SFTPB: variants seen among roughly 807,000 people sequenced by gnomAD.
SFTPB encodes the protein pulmonary surfactant-associated protein B.
SFTPB carries 32 observed loss-of-function variants against 51.0 expected under a neutral mutation model. That is an observed-to-expected ratio of 0.63 (90% CI 0.47 to 0.84). SFTPB has a LOEUF of 0.84. SFTPB is among the 40% of genes least tolerant of loss of function. The pLI is 0.00. For missense variants in SFTPB, 431 were observed against 491.2 expected, an observed-to-expected ratio of 0.88 and a Z score of 1.16; for synonymous variants, 211 against 208.5, an observed-to-expected ratio of 1.01 and a Z score of -0.10.
intron 6 of SFTPB, among the ~76,000 whole-genome samples, chr2:85,664,262 C>T (rs917821705): frequency 6.6e-6 from 1 of 152,146 alleles, no homozygotes; most frequent in African/African-American, 2.4e-5. Context: ...TCTTTAGTCT[C>T]CCCATCTCAG....
At position 85,657,940 on chromosome 2, in the gene SFTPB, A is replaced by G. The variant is rs1358912877; in HGVS notation, c.*1762T>C. ...GGAGAATATTACAAAGCACCTTCTCAAGGGTGGGGAAGGTGTATTGTCACA... is the reference window on the plus strand; with the variant it reads ...GGAGAATATTACAAAGCACCTTCTCGAGGGTGGGGAAGGTGTATTGTCACA... On this transcript the variant is annotated 3_prime_UTR_variant, in exon 11 of 11. Transcript: ENST00000519937. The G allele has an allele frequency of 6.6e-6, 1 of 152,148 alleles. No individual in the cohort carries two copies. The highest frequency in any genetic ancestry group is 2.4e-5 in the African/African-American group (1 of 41,428). The allele number at this position is 152,148 out of a possible 1,614,324, so 9.4% of individuals were successfully genotyped here.
chr2:85,667,874 C>T (rs1677737133), intron 1 of SFTPB, 68 bp from the exon 2 acceptor site: 10 of 1,608,714 alleles, frequency 6.2e-6, no homozygotes, highest in South Asian at 1.1e-5. Context: ...TGATTTCACC[C>T]ACCCTCTAGA....
intron 10 of SFTPB, 170 bp downstream of exon 10, chr2:85,661,284 T>C: frequency 1.8e-6 from 1 of 548,582 alleles, no homozygotes; most frequent in Non-Finnish European, 3.3e-6. Flanking sequence ...GGTGTTTTCC[T>C]GATGGCCAGC....
chr2:85,666,964 C>T (rs907880786), intron 3 of SFTPB, 142 bp downstream of exon 3: 1 of 954,080 alleles, frequency 1.0e-6, no homozygotes, highest in Non-Finnish European at 1.7e-6. Flanking sequence ...GACCTGCTCC[C>T]AGCCAGGAGG....
chr2:85,665,341 T>C lies in SFTPB; in HGVS notation c.620A>G (p.Tyr207Cys), dbSNP rs757742686. The change falls in exon 6 of 11, where the codon TAT (tyrosine) becomes TGT (cysteine). Residue 207 changes from tyrosine (Y) to cysteine (C), a missense_variant. Tyr to Cys is a radical substitution (Grantham distance 194). Coordinates refer to ENST00000519937, the MANE Select transcript of SFTPB (RefSeq NM_000542.5). ...SEQQFPIPLPYCWLCRALIKR... is the reference protein window; with the variant it reads ...SEQQFPIPLPCCWLCRALIKR... ...GATCAGAGCCCTGCAGAGCCAGCAATAGGGGAGAGGAATGGGGAATTGCTG... is the reference window on the plus strand; with the variant it reads ...GATCAGAGCCCTGCAGAGCCAGCAACAGGGGAGAGGAATGGGGAATTGCTG... 2.5e-6 allele frequency: 4 copies of C among 1,613,990 alleles called. No individual in the cohort carries two copies. The highest frequency in any genetic ancestry group is 2.2e-5 in the South Asian group (2 of 91,082).
intron 4 of SFTPB, 36 bp downstream of exon 4, chr2:85,666,581 G>C (rs758486451): frequency 1.2e-6 from 2 of 1,610,098 alleles, no homozygotes; most frequent in East Asian, 2.2e-5. Flanking sequence ...GGGCCTGCGT[G>C]GGGAGGCAGG....
intron 3 of SFTPB, 95 bp downstream of exon 3, chr2:85,667,011 G>T (rs1405111892): frequency 3.9e-5 from 47 of 1,197,038 alleles, no homozygotes; most frequent in Non-Finnish European, 5.6e-5. Context: ...CTCCTCCTCA[G>T]CCTGGAAATG....
At position 85,665,663 on chromosome 2, in the gene SFTPB, C is replaced by T; in HGVS notation, c.525G>A (p.Lys175=). ...CCCCGGGCAGCACAGGGAGGACGAGCTTGTCCAGCAGAGGGTCTGGCAGAG... is the reference window on the plus strand; with the variant it reads ...CCCCGGGCAGCACAGGGAGGACGAGTTTGTCCAGCAGAGGGTCTGGCAGAG... ...RDPLPDPLLD[K]LVLPVLPGAL... The change falls in exon 5 of 11, where the codon AAG becomes AAA. Residue 175 remains lysine, a synonymous_variant. Transcript: ENST00000519937. 4 of 1,614,166 alleles carry T rather than the reference C, an allele frequency of 2.5e-6. No individual in the cohort carries two copies. Among genetic ancestry groups the T allele is most frequent in the Non-Finnish European group, 3.4e-6 (4 of 1,180,040 alleles).
At chr2:85,663,303 T>C (rs755501919) in intron 8 of SFTPB, 43 bp downstream of exon 8, 1 of 1,603,638 alleles carries the variant, frequency 6.2e-7, no homozygotes, top group Non-Finnish European at 8.5e-7. Context: ...CCTTCTGCCT[T>C]GAACGGGCCC....
At chr2:85,665,197 G>A in intron 6 of SFTPB, 92 bp downstream of exon 6, 1 of 1,002,392 alleles carries the variant, frequency 1.0e-6, no homozygotes, top group Admixed American at 1.7e-5. Context: ...GCTGGGTCCT[G>A]ACGGGGGTGT....
chr2:85,662,628 G>T (rs1677365405), intron 8 of SFTPB, among the ~76,000 whole-genome samples: 1 of 152,060 alleles, frequency 6.6e-6, no homozygotes, highest in South Asian at 2.1e-4. Flanking sequence ...ATCACTTCAG[G>T]TCAGGGGTTC....
At chr2:85,666,469 G>T in intron 4 of SFTPB, 148 bp downstream of exon 4, 2 of 759,316 alleles carry the variant, frequency 2.6e-6, no homozygotes, top group Non-Finnish European at 4.3e-6. Flanking sequence ...GGTGCTGTGT[G>T]TTTGTGTCTG....
At chr2:85,660,590 C>T (rs1677242337) in intron 10 of SFTPB, among the ~76,000 whole-genome samples, 1 of 151,858 alleles carries the variant, frequency 6.6e-6, no homozygotes, top group African/African-American at 2.4e-5. Context: ...GCTGGGATTA[C>T]AGGCACCTGC....
chr2:85,667,567 TTC>T (rs1677714802), intron 2 of SFTPB, 110 bp downstream of exon 2: 1 of 1,350,718 alleles, frequency 7.4e-7, no homozygotes, highest in Admixed American at 1.7e-5. Flanking sequence ...CTCATCCCAT[TTC>T]ATCTCATCCA....
intron 8 of SFTPB, among the ~76,000 whole-genome samples, chr2:85,662,840 CAAAAAAAAA>C (rs34015129): frequency 2.9e-4 from 8 of 27,666 alleles, no homozygotes; most frequent in Admixed American, 8.7e-4. Flanking sequence ...AACTCCATCT[CAAAAAAAAA>C]AAAAAAAAAA....
Position 85,657,434 on chromosome 2 carries a change from C to G in SFTPB, c.*2268G>C. The G allele has an allele frequency of 6.6e-6, 1 of 152,134 alleles. No homozygotes were observed. Among genetic ancestry groups the G allele is most frequent in the Non-Finnish European group, 1.5e-5 (1 of 68,028 alleles). 9.4% of individuals were successfully genotyped at this position (152,134 alleles called of 1,614,324 possible). ...AGGACAGTAGTTAGCTATAGATTTA[C>G]AAATGTCTACTTAAAATCCAGGAGC... On this transcript the variant is annotated 3_prime_UTR_variant, in exon 11 of 11. Coordinates refer to ENST00000519937, the MANE Select transcript of SFTPB (RefSeq NM_000542.5).
At position 85,657,590 on chromosome 2, in the gene SFTPB, C is replaced by G. The variant is rs2104384388; in HGVS notation, c.*2112G>C. The G allele has an allele frequency of 6.6e-6, 1 of 152,256 alleles. No homozygotes were observed. The highest frequency in any genetic ancestry group is 1.9e-4 in the East Asian group (1 of 5,162). 9.4% of individuals were successfully genotyped at this position (152,256 alleles called of 1,614,324 possible). The stretch of plus-strand genomic sequence containing the variant: ...ATGGAAAAAGCCCCAAGCTCAGTGT[C>G]AAAACACACACCCTGCCGTAGCTCT... On this transcript the variant is annotated 3_prime_UTR_variant, in exon 11 of 11. Coordinates refer to ENST00000519937, the MANE Select transcript of SFTPB (RefSeq NM_000542.5).
intron 6 of SFTPB, among the ~76,000 whole-genome samples, 170 bp from the exon 7 acceptor site, chr2:85,664,017 C>T (rs1677453193): frequency 6.6e-6 from 1 of 152,188 alleles, no homozygotes; most frequent in African/African-American, 2.4e-5. Context: ...CCAGGGGATG[C>T]AGGGGACTCA....
At position 85,657,888 on chromosome 2, in the gene SFTPB, G is replaced by A. The variant is rs899997572; in HGVS notation, c.*1814C>T. 6.6e-6 allele frequency: 1 copy of A among 151,994 alleles called. No homozygotes were observed. The highest frequency in any genetic ancestry group is 2.4e-5 in the African/African-American group (1 of 41,364). The allele number at this position is 151,994 out of a possible 1,614,324, so 9.4% of individuals were successfully genotyped here. ...TATTACAAAATACCTTCTTAAGGGT[G>A]CGGGGGTGCGGGCGTGGGGTGGGTG... On this transcript the variant is annotated 3_prime_UTR_variant, in exon 11 of 11. Transcript: ENST00000519937.
Sources: gnomAD v4.1 joint callset for allele counts (sites outside exome capture counted in the v4.1 genomes callset) on GRCh38, gnomAD v4.1.1 for gene constraint, MANE v1.5 for transcripts, NCBI Gene and HGNC (gene_info 2026-07-23, HGNC 2026-07-21) for gene names.